NKAIN2: variants seen among roughly 807,000 people sequenced by gnomAD.
NKAIN2 encodes the protein sodium/potassium transporting ATPase interacting 2, also known as sodium/potassium-transporting ATPase subunit beta-1-interacting protein 2.
NKAIN2 carries 14 observed loss-of-function variants against 32.6 expected under a neutral mutation model. The observed-to-expected ratio is 0.43, with a 90% CI of 0.28 to 0.67. The LOEUF (loss-of-function observed/expected upper bound fraction) is 0.67, where lower values mean the gene tolerates loss of function less well. NKAIN2 is among the 30% of genes least tolerant of loss of function. NKAIN2 has a pLI of 0.17. For missense variants in NKAIN2, 198 were observed against 258.3 expected (o/e 0.77, Z 1.60); for synonymous variants, 80 against 87.2 (o/e 0.92, Z 0.46).
chr6:123,933,100 G>T (rs1009438598), intron 1 of NKAIN2, among the ~76,000 whole-genome samples: 4 of 152,156 alleles, frequency 2.6e-5, no homozygotes, highest in African/African-American at 4.8e-5. Context: ...TGCATAATTT[G>T]CAGGGCCCAG....
At chr6:124,800,068 C>A (rs1237925127) in intron 5 of NKAIN2, among the ~76,000 whole-genome samples, 3 of 152,182 alleles carry the variant, frequency 2.0e-5, no homozygotes, top group South Asian at 2.1e-4. Flanking sequence ...GAGAGCAAGA[C>A]AAAACGCTGG....
intron 1 of NKAIN2, among the ~76,000 whole-genome samples, chr6:123,905,765 G>C (rs1310913415): frequency 1.3e-5 from 2 of 152,118 alleles, no homozygotes; most frequent in African/African-American, 4.8e-5. Flanking sequence ...AAGTGAACCA[G>C]TTTTACCAAT....
chr6:124,711,776 A>T (rs1775476680), intron 4 of NKAIN2, among the ~76,000 whole-genome samples: 1 of 152,098 alleles, frequency 6.6e-6, no homozygotes, highest in Non-Finnish European at 1.5e-5. Flanking sequence ...GTCCTCCCAT[A>T]GCTCAGAGTA....
chr6:124,450,591 A>G (rs1271126094), intron 3 of NKAIN2, among the ~76,000 whole-genome samples: 1 of 151,816 alleles, frequency 6.6e-6, no homozygotes, highest in Admixed American at 6.6e-5. Context: ...TCAAAAATAT[A>G]TTCTTAACAA....
At chr6:124,333,450 AG>A (rs141581724) in intron 2 of NKAIN2, among the ~76,000 whole-genome samples, 6,066 of 152,164 alleles carry the variant, frequency 0.04, 216 homozygotes, top group African/African-American at 0.091. Flanking sequence ...ACCTGAGGTC[AG>A]GAGTTGGAGA....
At chr6:124,011,738 G>A (rs1351489881) in intron 1 of NKAIN2, among the ~76,000 whole-genome samples, 1 of 152,116 alleles carries the variant, frequency 6.6e-6, no homozygotes, top group African/African-American at 2.4e-5. Flanking sequence ...AAAGGCCTAA[G>A]CCTTTGTAGC....
chr6:123,914,680 C>T (rs924806897), intron 1 of NKAIN2, among the ~76,000 whole-genome samples: 1 of 152,098 alleles, frequency 6.6e-6, no homozygotes, highest in African/African-American at 2.4e-5. Flanking sequence ...ATTCATACCC[C>T]GGCTGTCTCA....
intron 3 of NKAIN2, among the ~76,000 whole-genome samples, chr6:124,376,743 T>C (rs1350336001): frequency 1.3e-5 from 2 of 152,168 alleles, no homozygotes; most frequent in Non-Finnish European, 2.9e-5. Context: ...ATTATGTTTT[T>C]ATAAATTTCT....
intron 1 of NKAIN2, among the ~76,000 whole-genome samples, chr6:124,278,362 T>C (rs969103921): frequency 6.6e-6 from 1 of 151,924 alleles, no homozygotes; most frequent in Non-Finnish European, 1.5e-5. Context: ...GAGTAAAAAG[T>C]CAATAAATTT....
intron 1 of NKAIN2, among the ~76,000 whole-genome samples, chr6:123,850,506 T>C (rs1318311370): frequency 6.6e-6 from 1 of 152,158 alleles, no homozygotes. Flanking sequence ...TTATCTATGT[T>C]CTTGTGGGAA....
chr6:123,954,370 T>C (rs1777469133), intron 1 of NKAIN2, among the ~76,000 whole-genome samples: 1 of 152,076 alleles, frequency 6.6e-6, no homozygotes, highest in South Asian at 2.1e-4. Context: ...ATGGCTAGGA[T>C]ATAGAAGTCC....
chr6:124,710,105 G>A (rs1257971299), intron 4 of NKAIN2, among the ~76,000 whole-genome samples: 1 of 151,176 alleles, frequency 6.6e-6, no homozygotes, highest in African/African-American at 2.4e-5. Context: ...AGTCATTCAG[G>A]AGCAGGTTGT....
At chr6:124,293,952 GAAT>G (rs1294233643) in intron 2 of NKAIN2, among the ~76,000 whole-genome samples, 3 of 152,248 alleles carry the variant, frequency 2.0e-5, no homozygotes, top group Non-Finnish European at 2.9e-5. Flanking sequence ...CTGATAATGT[GAAT>G]CAATGAATTG....
intron 1 of NKAIN2, among the ~76,000 whole-genome samples, chr6:124,092,696 C>G (rs919244499): frequency 1.3e-5 from 2 of 151,826 alleles, no homozygotes; most frequent in African/African-American, 2.4e-5. Flanking sequence ...CTTTCTAGCT[C>G]TCATATGTTT....
chr6:124,338,564 G>T (rs530725002), intron 2 of NKAIN2, among the ~76,000 whole-genome samples: 1 of 152,068 alleles, frequency 6.6e-6, no homozygotes, highest in African/African-American at 2.4e-5. Flanking sequence ...AACTCATTTT[G>T]ACAATTTTTT....
At position 123,964,414 on chromosome 6, in the gene NKAIN2, C is replaced by G. The variant is rs1269923085; in HGVS notation, c.54+160160C>G. Among the ~76,000 whole-genome samples, 1 of 152,100 alleles carries G rather than the reference C, an allele frequency of 6.6e-6. No individual in the cohort carries two copies. Among genetic ancestry groups the G allele is most frequent in the African/African-American group, 2.4e-5 (1 of 41,418 alleles). ...TTGCTTTATAAGGCTGTATAAATGG[C>G]CTCTGATGGCTTCAGTGTAAATCCT... On this transcript the variant is annotated intron_variant, in intron 1 of 6. Coordinates refer to ENST00000368417, the MANE Select transcript of NKAIN2 (RefSeq NM_001040214.3). This position sits in a 1 kb window ranked among gnomAD's most constrained non-coding sequence, Gnocchi z 4.0.
chr6:124,626,402 C>T (rs755116825), intron 3 of NKAIN2, among the ~76,000 whole-genome samples: 15 of 151,346 alleles, frequency 9.9e-5, no homozygotes, highest in Non-Finnish European at 1.6e-4. Context: ...ATGATATAAT[C>T]GTAACAAGAA....
chr6:124,251,693 A>G (rs1237356708), intron 1 of NKAIN2, among the ~76,000 whole-genome samples: 1 of 152,056 alleles, frequency 6.6e-6, no homozygotes, highest in East Asian at 1.9e-4. Context: ...AAGTTAGTCA[A>G]TATTGTTGGT....
chr6:124,502,176 A>G (rs987791522), intron 3 of NKAIN2, among the ~76,000 whole-genome samples: 1 of 152,162 alleles, frequency 6.6e-6, no homozygotes, highest in African/African-American at 2.4e-5. Flanking sequence ...ATAACAATGT[A>G]TAGTCACATA....
Sources: allele counts gnomAD v4.1 joint callset (sites outside exome capture counted in the v4.1 genomes callset), GRCh38; gene constraint gnomAD v4.1.1; non-coding constraint Gnocchi (gnomAD v3.1); transcripts MANE v1.5; gene names NCBI Gene and HGNC (gene_info 2026-07-23, HGNC 2026-07-21).